The following IQGAP1 variants were observed in gnomAD, a reference collection of about 807,000 sequenced individuals.
IQGAP1 encodes ras GTPase-activating-like protein IQGAP1.
A neutral mutation model predicts 215.6 loss-of-function variants in IQGAP1; 66 were observed. The observed-to-expected ratio is 0.31, with a 90% CI of 0.25 to 0.38. IQGAP1 has a LOEUF of 0.38. Ranked by LOEUF, IQGAP1 falls within the 10% of genes least tolerant of loss-of-function variation. The pLI, the probability that IQGAP1 is intolerant of heterozygous loss-of-function variation, is 1.00. For missense variants in IQGAP1, 1,712 were observed against 1,997.1 expected, an observed-to-expected ratio of 0.86 and a Z score of 2.72; for synonymous variants, 772 against 728.7, an observed-to-expected ratio of 1.06 and a Z score of -0.96.
chr15:90,483,607 C>T lies in IQGAP1; in HGVS notation c.3788+14C>T, dbSNP rs377368346. 4.5e-6 allele frequency: 7 copies of T among 1,543,578 alleles called. No individual in the cohort carries two copies. The South Asian group carries it at 7.8e-5, about 17-fold the overall frequency. On this transcript the variant is annotated intron_variant, in intron 29 of 37. Transcript: ENST00000268182. ...CCAGAAATTCAGGTAAGGGGAAAGG[C>T]ACAAGTGCTTAAGAGAGTCTGTGGA...
In IQGAP1 at chr15:90,466,081, A is replaced by G. The variant is rs775607835; in HGVS notation, c.1857A>G (p.Glu619=). Residue 619 remains glutamate (E), a synonymous_variant, in exon 16 of 38, where the codon GAA becomes GAG. Coordinates refer to ENST00000268182, the MANE Select transcript of IQGAP1 (RefSeq NM_003870.4). ...GGCAGTCCAACAAAGACACCCAAGA[A>G]GCACAGAAGTGTATGTATCACCTGT... ...GIWQSNKDTQ[E]AQKFALGIFA... is the part of the protein sequence containing the mutation. The G allele has an allele frequency of 1.9e-6, 3 of 1,614,046 alleles. No individual in the cohort carries two copies. Among genetic ancestry groups the G allele is most frequent in the Non-Finnish European group, 2.5e-6 (3 of 1,179,902 alleles).
At chr15:90,485,544 A>G (rs983916254) in intron 30 of IQGAP1, among the ~76,000 whole-genome samples, 3 of 152,096 alleles carry the variant, frequency 2.0e-5, no homozygotes, top group Non-Finnish European at 4.4e-5. Context: ...GGTTCAAGCA[A>G]TTCTTCTGCA....
intron 7 of IQGAP1, 63 bp downstream of exon 7, chr15:90,440,678 T>G: frequency 9.9e-7 from 1 of 1,013,482 alleles, no homozygotes; most frequent in Non-Finnish European, 1.5e-6. Context: ...AATAATTAAT[T>G]CTATAGTGAT....
intron 2 of IQGAP1, among the ~76,000 whole-genome samples, chr15:90,397,131 G>C (rs1475320514): frequency 6.6e-6 from 1 of 152,192 alleles, no homozygotes; most frequent in Non-Finnish European, 1.5e-5. Flanking sequence ...TGGGATTATA[G>C]GCGTGAGCCA....
In IQGAP1 at chr15:90,466,384, T is replaced by A. The variant is rs749637719; in HGVS notation, c.1983T>A (p.Gly661=). The change falls in exon 17 of 38, where the codon GGT becomes GGA. Residue 661 remains glycine (G), a synonymous_variant. Transcript: ENST00000268182. ...VGLYGVIPEC[G]ETYHSDLAEA... The stretch of plus-strand genomic sequence containing the variant: ...TGTATGGAGTCATCCCTGAGTGTGG[T>A]GAAACTTACCACAGTGATCTTGCTG... 6.2e-7 allele frequency: 1 copy of A among 1,614,162 alleles called. No individual in the cohort carries two copies. The highest frequency in any genetic ancestry group is 8.5e-7 in the Non-Finnish European group (1 of 1,180,028).
chr15:90,483,709 C>T (rs777362387), intron 29 of IQGAP1, 116 bp downstream of exon 29: 25 of 715,332 alleles, frequency 3.5e-5, no homozygotes, highest in African/African-American at 2.1e-4. Flanking sequence ...ATGTAGAAGA[C>T]GTGTTTGATG....
chr15:90,411,795 C>G (rs1964969801), intron 2 of IQGAP1, among the ~76,000 whole-genome samples: 2 of 152,114 alleles, frequency 1.3e-5, no homozygotes, highest in African/African-American at 4.8e-5. Context: ...AAGTGGTAAA[C>G]TAGGGATGGA....
intron 2 of IQGAP1, among the ~76,000 whole-genome samples, chr15:90,411,198 CTTTA>C (rs1156508772): frequency 6.6e-6 from 1 of 152,184 alleles, no homozygotes; most frequent in Non-Finnish European, 1.5e-5. Context: ...TCTCATGTAT[CTTTA>C]TTATAACTTT....
intron 2 of IQGAP1, among the ~76,000 whole-genome samples, chr15:90,403,525 A>G (rs34090687): frequency 0.088 from 13,358 of 152,210 alleles, 865 homozygotes; most frequent in Non-Finnish European, 0.13. Context: ...CTATATCCTT[A>G]GTCTTCTTTC....
chr15:90,431,558 G>A (rs115622817), intron 4 of IQGAP1, among the ~76,000 whole-genome samples: 2,203 of 152,054 alleles, frequency 0.014, 45 homozygotes, highest in African/African-American at 0.05. Context: ...ATGTAATTTT[G>A]TTACCTTTTT....
intron 15 of IQGAP1, among the ~76,000 whole-genome samples, chr15:90,457,830 G>A (rs1465483020): frequency 6.6e-6 from 1 of 152,060 alleles, no homozygotes; most frequent in East Asian, 1.9e-4. Context: ...GAGGAGTTAT[G>A]GCCATAGGGA....
intron 30 of IQGAP1, among the ~76,000 whole-genome samples, chr15:90,485,331 TTAAG>T (rs1330433978): frequency 6.6e-6 from 1 of 152,222 alleles, no homozygotes; most frequent in Non-Finnish European, 1.5e-5. Flanking sequence ...ACTGGAAACA[TTAAG>T]TAAAAGCGTG....
chr15:90,490,991 T>G (rs1472470082), intron 33 of IQGAP1, among the ~76,000 whole-genome samples: 5 of 152,148 alleles, frequency 3.3e-5, no homozygotes, highest in Non-Finnish European at 1.5e-5. Context: ...TTTTGTACTT[T>G]TAGTAGAGAC....
intron 1 of IQGAP1, among the ~76,000 whole-genome samples, chr15:90,389,341 CTTTT>C (rs563216137): frequency 2.3e-5 from 3 of 128,388 alleles, no homozygotes; most frequent in African/African-American, 5.8e-5. Context: ...CGGGAGGTGA[CTTTT>C]TTTTTTTTTT....
intron 11 of IQGAP1, among the ~76,000 whole-genome samples, chr15:90,451,603 C>A (rs924423679): frequency 6.6e-6 from 1 of 152,158 alleles, no homozygotes; most frequent in African/African-American, 2.4e-5. Context: ...CCAACACCAC[C>A]ACACTGGGGA....
chr15:90,407,558 G>A (rs2657949), intron 2 of IQGAP1, among the ~76,000 whole-genome samples: 87,469 of 152,032 alleles, frequency 0.58, 27,000 homozygotes, highest in East Asian at 0.83. Context: ...GGGAAAACCC[G>A]TGTTGCAGAT....
At chr15:90,453,041 G>A (rs1160434989) in intron 12 of IQGAP1, 91 bp from the exon 13 acceptor site, 3 of 1,551,446 alleles carry the variant, frequency 1.9e-6, no homozygotes, top group Middle Eastern at 3.5e-4. Flanking sequence ...GCATAAACTT[G>A]GTTTTCTTAC....
chr15:90,473,951 A>G lies in IQGAP1; in HGVS notation c.2489A>G (p.Gln830Arg). 6.2e-7 allele frequency: 1 copy of G among 1,614,096 alleles called. No individual in the cohort carries two copies. Residue 830 changes from glutamine (Q) to arginine (R), a missense_variant, in exon 21 of 38, where the codon CAG becomes CGG. Transcript: ENST00000268182. ...CGAAAGCGCTATCGAGATCGCCTGC[A>G]GTACTTCCGGGACCATGTAAGCACC... is the stretch of plus-strand genomic sequence containing the variant. ...QARKRYRDRL[Q>R]YFRDHINDII...
chr15:90,474,020 G>A (rs1355799443), intron 21 of IQGAP1, 44 bp from the exon 22 acceptor site: 6 of 1,605,072 alleles, frequency 3.7e-6, no homozygotes, highest in Non-Finnish European at 5.1e-6. Context: ...CCATATTTTT[G>A]GTAGACAGAT....
Sources: gnomAD v4.1 joint callset for allele counts (sites outside exome capture counted in the v4.1 genomes callset) on GRCh38, gnomAD v4.1.1 for gene constraint, MANE v1.5 for transcripts, NCBI Gene and HGNC (gene_info 2026-07-23, HGNC 2026-07-21) for gene names.